Variants in ZNF423 observed in about 807,000 individuals in gnomAD.
The protein encoded by ZNF423 is Ebf-associated zinc finger protein.
A neutral mutation model predicts 95.8 loss-of-function variants in ZNF423; 12 were observed. That is an observed-to-expected ratio of 0.13 (90% CI 0.08 to 0.20). ZNF423 has a LOEUF of 0.20. Among genes scored for constraint, ZNF423 ranks in the 10% least tolerant of loss-of-function variants. ZNF423 has a pLI of 1.00. For missense variants in ZNF423, 1,316 were observed against 1,737.1 expected, an observed-to-expected ratio of 0.76 and a Z score of 4.31; for synonymous variants, 749 against 711.9, an observed-to-expected ratio of 1.05 and a Z score of -0.83.
chr16:49,621,171 C>A (rs1281489413), intron 5 of ZNF423, among the ~76,000 whole-genome samples: 4 of 152,134 alleles, frequency 2.6e-5, no homozygotes, highest in African/African-American at 9.7e-5. Context: ...CTGGGTCAAC[C>A]CGGCAGGAGG....
At chr16:49,585,852 A>C (rs774349651) in intron 5 of ZNF423, among the ~76,000 whole-genome samples, 1 of 152,202 alleles carries the variant, frequency 6.6e-6, no homozygotes, top group Non-Finnish European at 1.5e-5. Flanking sequence ...ACAGTCACCA[A>C]AGTTCTCAAG....
In ZNF423 at chr16:49,635,589, G is replaced by A. The variant is rs942472987; in HGVS notation, c.3516+71C>T. On this transcript the variant is annotated intron_variant, in intron 4 of 7. Transcript: ENST00000563137. This position sits in a 1 kb window ranked among gnomAD's most constrained non-coding sequence, Gnocchi z 4.8. ...CTTGGAAACACGGCACTCAGGGTAC[G>A]TGGCTCCTGTGGGGACCAGAGGAGC... is the stretch of plus-strand genomic sequence containing the variant. The A allele has an allele frequency of 8.7e-6, 13 of 1,491,320 alleles. No homozygotes were observed. The highest frequency in any genetic ancestry group is 4.2e-5 in the South Asian group (3 of 71,502). 92.4% of individuals were successfully genotyped at this position (1,491,320 alleles called of 1,614,324 possible).
At chr16:49,727,989 T>C (rs371368945) in intron 3 of ZNF423, among the ~76,000 whole-genome samples, 1 of 152,166 alleles carries the variant, frequency 6.6e-6, no homozygotes, top group Non-Finnish European at 1.5e-5. Flanking sequence ...AACAACATCA[T>C]CTGCTAAAGC....
intron 7 of ZNF423, among the ~76,000 whole-genome samples, chr16:49,502,217 T>C (rs1475458885): frequency 2.0e-5 from 3 of 152,092 alleles, no homozygotes; most frequent in African/African-American, 7.2e-5. Flanking sequence ...GGGAGTGGTG[T>C]CATTAGGCAG....
intron 1 of ZNF423, among the ~76,000 whole-genome samples, chr16:49,829,309 A>G (rs576979295): frequency 1.3e-5 from 2 of 152,122 alleles, no homozygotes; most frequent in Non-Finnish European, 2.9e-5. Context: ...ATACCCCTGA[A>G]ATGGAAGGAT....
At chr16:49,577,072 T>C (rs10852601) in intron 5 of ZNF423, among the ~76,000 whole-genome samples, 76,346 of 151,876 alleles carry the variant, frequency 0.5, 19,538 homozygotes, top group East Asian at 0.76. Flanking sequence ...GGGCAGACAA[T>C]GAGGCAGTAA....
At chr16:49,608,697 A>G (rs1456076889) in intron 5 of ZNF423, among the ~76,000 whole-genome samples, 1 of 152,196 alleles carries the variant, frequency 6.6e-6, no homozygotes, top group East Asian at 1.9e-4. Flanking sequence ...TTTTGCTTTA[A>G]GCCTTAACCA....
At chr16:49,715,231 G>A (rs529180983) in intron 3 of ZNF423, among the ~76,000 whole-genome samples, 2 of 152,350 alleles carry the variant, frequency 1.3e-5, no homozygotes, top group East Asian at 3.9e-4. Flanking sequence ...CTGCCATAAA[G>A]GAAATAAATG....
chr16:49,738,981 G>A (rs1365216853), intron 2 of ZNF423, among the ~76,000 whole-genome samples: 2 of 151,980 alleles, frequency 1.3e-5, no homozygotes, highest in African/African-American at 4.8e-5. Flanking sequence ...CAGTCATTAA[G>A]TAATGACACA....
chr16:49,807,528 C>G (rs2034684661), intron 1 of ZNF423, among the ~76,000 whole-genome samples: 1 of 152,162 alleles, frequency 6.6e-6, no homozygotes, highest in African/African-American at 2.4e-5. Flanking sequence ...CAAAGACACC[C>G]CGGGGTAGGG....
At chr16:49,740,318 C>T (rs1319546851) in intron 2 of ZNF423, among the ~76,000 whole-genome samples, 3 of 152,224 alleles carry the variant, frequency 2.0e-5, no homozygotes, top group Non-Finnish European at 4.4e-5. Context: ...TTGGGTCCTG[C>T]TCACAGAGAA....
chr16:49,552,045 C>T (rs1227272620), intron 5 of ZNF423, among the ~76,000 whole-genome samples: 1 of 152,220 alleles, frequency 6.6e-6, no homozygotes, highest in African/African-American at 2.4e-5. Flanking sequence ...GGGCTTTTGG[C>T]TTCTCTTGAA....
intron 7 of ZNF423, among the ~76,000 whole-genome samples, chr16:49,497,158 C>T (rs1218894714): frequency 1.3e-5 from 2 of 152,180 alleles, no homozygotes; most frequent in Non-Finnish European, 2.9e-5. Context: ...AGGGAGACTC[C>T]ACAGGGGATG....
At chr16:49,495,169 T>C (rs1428259841) in intron 7 of ZNF423, among the ~76,000 whole-genome samples, 1 of 151,664 alleles carries the variant, frequency 6.6e-6, no homozygotes, top group African/African-American at 2.4e-5. Flanking sequence ...GTGAGGAAAA[T>C]AAAACGGGAG....
intron 3 of ZNF423, among the ~76,000 whole-genome samples, chr16:49,710,579 C>T (rs763613111): frequency 2.6e-5 from 4 of 152,172 alleles, no homozygotes; most frequent in East Asian, 1.9e-4. Context: ...TCTCCATCCC[C>T]GGCATCCTGG....
chr16:49,598,397 T>A (rs934463168), intron 5 of ZNF423, among the ~76,000 whole-genome samples: 2 of 152,268 alleles, frequency 1.3e-5, no homozygotes, highest in Non-Finnish European at 2.9e-5. Context: ...GTGGCTCTTA[T>A]TCCTTTTACC....
intron 7 of ZNF423, among the ~76,000 whole-genome samples, chr16:49,516,798 G>A (rs1310385249): frequency 2.0e-5 from 3 of 152,172 alleles, no homozygotes; most frequent in African/African-American, 7.2e-5. Context: ...ACTGGAGCAG[G>A]GTGGACAGCT....
At chr16:49,786,129 A>G (rs905177554) in intron 2 of ZNF423, among the ~76,000 whole-genome samples, 4 of 151,366 alleles carry the variant, frequency 2.6e-5, no homozygotes, top group Non-Finnish European at 5.9e-5. Context: ...GGGCCTGCGC[A>G]CTCCGCTCCC....
At chr16:49,784,409 G>A (rs2034276257) in intron 2 of ZNF423, among the ~76,000 whole-genome samples, 1 of 152,166 alleles carries the variant, frequency 6.6e-6, no homozygotes, top group South Asian at 2.1e-4. Flanking sequence ...ATTCACAGCA[G>A]CTCTATTCAC....
Sources: allele counts gnomAD v4.1 joint callset (sites outside exome capture counted in the v4.1 genomes callset), GRCh38; gene constraint gnomAD v4.1.1; non-coding constraint Gnocchi (gnomAD v3.1); transcripts MANE v1.5; gene names NCBI Gene and HGNC (gene_info 2026-07-23, HGNC 2026-07-21).